GPR158: variants seen among roughly 807,000 people sequenced by gnomAD.
GPR158 encodes G protein-coupled receptor 158.
In GPR158, 30 loss-of-function variants were observed where a neutral mutation model predicts 78.2. The observed-to-expected ratio is 0.38, with a 90% confidence interval of 0.29 to 0.52. The LOEUF (loss-of-function observed/expected upper bound fraction) is 0.52, where lower values mean the gene tolerates loss of function less well. GPR158 is among the 20% of genes least tolerant of loss of function. The pLI is 0.83. For synonymous variants in GPR158, 581 were observed against 591.1 expected (o/e 0.98, Z 0.25); for missense variants, 1,463 against 1,523.5 (o/e 0.96, Z 0.66).
At chr10:25,433,722 G>A (rs1834956481) in intron 4 of GPR158, among the ~76,000 whole-genome samples, 1 of 132,392 alleles carries the variant, frequency 7.6e-6, no homozygotes, top group Admixed American at 7.9e-5. Context: ...GGTACAGGTG[G>A]GGTTCTTGCC....
chr10:25,459,110 A>C (rs545181952), intron 4 of GPR158, among the ~76,000 whole-genome samples: 1 of 152,316 alleles, frequency 6.6e-6, no homozygotes, highest in East Asian at 1.9e-4. Flanking sequence ...TCTCAATGTT[A>C]AGATTCTCTT....
Position 25,388,308 on chromosome 10 carries a change from C to G in GPR158, c.1009-7603C>G, listed in dbSNP as rs1834248778. Among the ~76,000 whole-genome samples the G allele has an allele frequency of 3.3e-5, 5 of 152,156 alleles. No homozygotes were observed. The South Asian group carries it at 1.0e-3, about 32-fold the overall frequency. The stretch of plus-strand genomic sequence containing the variant: ...GCAGCAGGAGTGGTTGTGGGAGCAG[C>G]AGTGGCGGCAGTGGGTCCTCTGTGG... On this transcript the variant is annotated intron_variant, in intron 2 of 10. Coordinates refer to ENST00000376351, the MANE Select transcript of GPR158 (RefSeq NM_020752.3).
At chr10:25,532,980 A>G (rs1255007382) in intron 5 of GPR158, among the ~76,000 whole-genome samples, 1 of 134,038 alleles carries the variant, frequency 7.5e-6, no homozygotes, top group Non-Finnish European at 1.7e-5. Context: ...AGATCCGCTT[A>G]ATTCCCTTAA....
At chr10:25,566,345 AT>A (rs1836928657) in intron 6 of GPR158, among the ~76,000 whole-genome samples, 1 of 152,140 alleles carries the variant, frequency 6.6e-6, no homozygotes, top group South Asian at 2.1e-4. Flanking sequence ...TATCTTCAAT[AT>A]TATTCATCCC....
chr10:25,401,167 T>C (rs902637672), intron 3 of GPR158, among the ~76,000 whole-genome samples: 3 of 152,100 alleles, frequency 2.0e-5, no homozygotes, highest in African/African-American at 7.2e-5. Flanking sequence ...TCAGTATCAG[T>C]CTCTAGTATC....
rs567536195 is a variant in GPR158 at position 25,289,472 on chromosome 10, A to C, written c.1008+68315A>C. 2.6e-5 allele frequency among the ~76,000 whole-genome samples: 4 copies of C among 152,026 alleles called. No homozygotes were observed. In the South Asian group the frequency reaches 8.3e-4, roughly 32 times the overall value. On this transcript the variant is annotated intron_variant, in intron 2 of 10. Coordinates refer to ENST00000376351, the MANE Select transcript of GPR158 (RefSeq NM_020752.3). Reference sequence around the variant, plus strand: ...TTTTGAGGCGGAGTCTTGCTCTGTCACCCAGGCTGGAGTGCAGTGGCGCCA... The same window carrying C: ...TTTTGAGGCGGAGTCTTGCTCTGTCCCCCAGGCTGGAGTGCAGTGGCGCCA...
At chr10:25,373,010 T>C (rs1834021980) in intron 2 of GPR158, among the ~76,000 whole-genome samples, 1 of 151,934 alleles carries the variant, frequency 6.6e-6, no homozygotes, top group Non-Finnish European at 1.5e-5. Context: ...CTATGTTCAT[T>C]GCAGCACTAT....
chr10:25,498,443 C>T (rs1835912526), intron 5 of GPR158, among the ~76,000 whole-genome samples: 1 of 152,162 alleles, frequency 6.6e-6, no homozygotes, highest in Admixed American at 6.5e-5. Context: ...AAATTACTGA[C>T]ATTTGAGTCC....
At chr10:25,414,180 T>C (rs1834630486) in intron 4 of GPR158, among the ~76,000 whole-genome samples, 1 of 152,188 alleles carries the variant, frequency 6.6e-6, no homozygotes, top group Non-Finnish European at 1.5e-5. Context: ...GTAGGTAAAA[T>C]ATTACATTGG....
At chr10:25,279,299 A>T (rs1854233744) in intron 2 of GPR158, among the ~76,000 whole-genome samples, 1 of 152,246 alleles carries the variant, frequency 6.6e-6, no homozygotes, top group Non-Finnish European at 1.5e-5. Flanking sequence ...TTATGAGGTT[A>T]GTGATATTAT....
intron 2 of GPR158, among the ~76,000 whole-genome samples, chr10:25,377,269 ACT>A (rs932897742): frequency 3.7e-4 from 55 of 150,680 alleles, no homozygotes; most frequent in African/African-American, 1.2e-3. Context: ...AAATGTAATA[ACT>A]CTGTTACCTG....
At chr10:25,481,603 G>C (rs1835664211) in intron 5 of GPR158, among the ~76,000 whole-genome samples, 1 of 152,160 alleles carries the variant, frequency 6.6e-6, no homozygotes, top group African/African-American at 2.4e-5. Flanking sequence ...ACAAGTATCT[G>C]TTTGAATCCC....
At chr10:25,372,360 A>G (rs7072866) in intron 2 of GPR158, among the ~76,000 whole-genome samples, 97,382 of 150,912 alleles carry the variant, frequency 0.65, 32,399 homozygotes, top group Non-Finnish European at 0.73. Flanking sequence ...ATTACTGGGT[A>G]TATACCCAAA....
intron 5 of GPR158, among the ~76,000 whole-genome samples, chr10:25,534,332 A>G (rs9299792): frequency 0.018 from 2,700 of 152,188 alleles, 38 homozygotes; most frequent in South Asian, 0.053. Flanking sequence ...AAACATAGAC[A>G]TATGTACTTT....
At position 25,327,263 on chromosome 10, in the gene GPR158, C is replaced by T. The variant is rs537421478; in HGVS notation, c.1009-68648C>T. Reference sequence around the variant, plus strand: ...CAGGACACTTACAAACACACACACACACACACACAGAAACACAAACACACA... The same window carrying T: ...CAGGACACTTACAAACACACACACATACACACACAGAAACACAAACACACA... On this transcript the variant is annotated intron_variant, in intron 2 of 10. Coordinates refer to ENST00000376351, the MANE Select transcript of GPR158 (RefSeq NM_020752.3). Among the ~76,000 whole-genome samples, 44 of 152,100 alleles carry T rather than the reference C, an allele frequency of 2.9e-4. No homozygotes were observed. In the South Asian group the frequency reaches 8.7e-3, roughly 30 times the overall value.
At chr10:25,209,530 C>T (rs146059995) in intron 1 of GPR158, among the ~76,000 whole-genome samples, 2,346 of 152,186 alleles carry the variant, frequency 0.015, 20 homozygotes, top group Non-Finnish European at 0.022. Flanking sequence ...GCACTACCAC[C>T]TAGCAAAGAG....
intron 5 of GPR158, among the ~76,000 whole-genome samples, chr10:25,476,875 T>C (rs1835593222): frequency 1.3e-5 from 2 of 152,114 alleles, no homozygotes; most frequent in South Asian, 4.1e-4. Context: ...AATCAATTCA[T>C]AATGGCTCAG....
chr10:25,555,468 T>C (rs960304442), intron 6 of GPR158, among the ~76,000 whole-genome samples: 1 of 152,162 alleles, frequency 6.6e-6, no homozygotes, highest in African/African-American at 2.4e-5. Context: ...TATACTGATG[T>C]GGGGCAGATC....
chr10:25,415,620 A>G (rs538228770), intron 4 of GPR158, among the ~76,000 whole-genome samples: 170 of 152,210 alleles, frequency 1.1e-3, no homozygotes, highest in African/African-American at 3.9e-3. Flanking sequence ...TTGAAGTATG[A>G]TATGATCCAG....
Sources: gnomAD v4.1 joint callset for allele counts (sites outside exome capture counted in the v4.1 genomes callset) on GRCh38, gnomAD v4.1.1 for gene constraint, MANE v1.5 for transcripts, NCBI Gene and HGNC (gene_info 2026-07-23, HGNC 2026-07-21) for gene names.